BICC1: variants seen among roughly 807,000 people sequenced by gnomAD.
The protein encoded by BICC1 is BicC family RNA binding protein 1, also known as protein bicaudal C homolog 1.
A neutral mutation model predicts 111.0 loss-of-function variants in BICC1; 43 were observed. The observed-to-expected ratio is 0.39, with a 90% confidence interval of 0.30 to 0.50. The LOEUF (loss-of-function observed/expected upper bound fraction) is 0.50. Among genes scored for constraint, BICC1 ranks in the 20% least tolerant of loss-of-function variants. The pLI, the probability that BICC1 is intolerant of heterozygous loss-of-function variation, is 0.88. For synonymous variants in BICC1, 467 were observed against 434.4 expected, an observed-to-expected ratio of 1.07 and a Z score of -0.93; for missense variants, 1,091 against 1,203.2, an observed-to-expected ratio of 0.91 and a Z score of 1.38.
At chr10:58,665,381 G>C (rs1201255006) in intron 2 of BICC1, among the ~76,000 whole-genome samples, 3 of 151,994 alleles carry the variant, frequency 2.0e-5, no homozygotes, top group African/African-American at 7.3e-5. Flanking sequence ...GTCTTTTTCT[G>C]TTGACTCTCA....
intron 20 of BICC1, 78 bp downstream of exon 20, chr10:58,820,546 C>T: frequency 2.9e-6 from 3 of 1,032,284 alleles, no homozygotes; most frequent in Non-Finnish European, 4.5e-6. Context: ...GTTGTTTCTA[C>T]CCATTAACTG....
At chr10:58,554,804 T>G (rs1371753376) in intron 1 of BICC1, among the ~76,000 whole-genome samples, 20 of 151,898 alleles carry the variant, frequency 1.3e-4, no homozygotes, top group Admixed American at 1.3e-3. Flanking sequence ...ATTTTTTTTT[T>G]TTTGCCTCTC....
At chr10:58,561,648 G>A (rs1269809215) in intron 1 of BICC1, among the ~76,000 whole-genome samples, 1 of 151,798 alleles carries the variant, frequency 6.6e-6, no homozygotes, top group South Asian at 2.1e-4. Context: ...CTCTCTTATT[G>A]TTTATCTTTG....
Position 58,542,858 on chromosome 10 carries a change from A to T in BICC1, c.190+29525A>T, listed in dbSNP as rs1049856677. On this transcript the variant is annotated intron_variant, in intron 1 of 20. Transcript: ENST00000373886. ...AGGATGGCCATTATTAAAAAAAAAC[A>T]AACTGAAAAAAACAAGTGTTGGTTA... 2.0e-5 allele frequency among the ~76,000 whole-genome samples: 3 copies of T among 150,186 alleles called. No individual in the cohort carries two copies. In the East Asian group the frequency reaches 5.9e-4, roughly 29 times the overall value.
intron 2 of BICC1, among the ~76,000 whole-genome samples, chr10:58,648,071 A>G (rs1838323254): frequency 6.6e-6 from 1 of 152,150 alleles, no homozygotes; most frequent in African/African-American, 2.4e-5. Context: ...TAATTAGAAA[A>G]GATTTTCGGA....
intron 1 of BICC1, among the ~76,000 whole-genome samples, chr10:58,570,280 G>A (rs1274932421): frequency 6.6e-6 from 1 of 152,282 alleles, no homozygotes; most frequent in Non-Finnish European, 1.5e-5. Context: ...CTGATGTCAG[G>A]GTTAGAGAAA....
At position 58,525,479 on chromosome 10, in the gene BICC1, G is replaced by A. The variant is rs866041000; in HGVS notation, c.190+12146G>A. ...TCGCAAGGACAGAAAACCAAACACC[G>A]CATGTTCTCACTCATAGGTGGGAAT... On this transcript the variant is annotated intron_variant, in intron 1 of 20. Coordinates refer to ENST00000373886, the MANE Select transcript of BICC1 (RefSeq NM_001080512.3). Among the ~76,000 whole-genome samples, 35 of 129,830 alleles carry A rather than the reference G, an allele frequency of 2.7e-4. 1 individual carries two copies. Among genetic ancestry groups the A allele is most frequent in the East Asian group, 2.5e-4 (1 of 3,966 alleles). 85.2% of individuals were successfully genotyped at this position (129,830 alleles called of 152,430 possible). A position where few individuals can be genotyped will look rare whatever the true frequency, so the allele number is the denominator to read the frequency against.
intron 14 of BICC1, 145 bp from the exon 15 acceptor site, chr10:58,802,932 C>G (rs1260251048): frequency 1.3e-6 from 1 of 744,162 alleles, no homozygotes; most frequent in Non-Finnish European, 2.0e-6. Flanking sequence ...GTACCTGTGT[C>G]ATAGCATTGT....
chr10:58,629,032 A>G (rs1837714512), intron 2 of BICC1, among the ~76,000 whole-genome samples: 1 of 152,212 alleles, frequency 6.6e-6, no homozygotes, highest in South Asian at 2.1e-4. Flanking sequence ...GGGAGATTTC[A>G]CATGGTTTGG....
At chr10:58,688,037 C>T (rs1041508042) in intron 2 of BICC1, among the ~76,000 whole-genome samples, 3 of 152,160 alleles carry the variant, frequency 2.0e-5, no homozygotes, top group African/African-American at 7.2e-5. Flanking sequence ...TTGTTTGTTC[C>T]TCCCGGTGGG....
chr10:58,666,011 A>G (rs1239567759), intron 2 of BICC1, among the ~76,000 whole-genome samples: 2 of 152,212 alleles, frequency 1.3e-5, no homozygotes, highest in African/African-American at 4.8e-5. Context: ...CTGGCCAAGC[A>G]GTTGATATAT....
chr10:58,527,057 G>A (rs1441507631), intron 1 of BICC1, among the ~76,000 whole-genome samples: 3 of 152,180 alleles, frequency 2.0e-5, no homozygotes, highest in East Asian at 1.9e-4. Flanking sequence ...GTTTAAAAGT[G>A]TTCCTATTTC....
intron 8 of BICC1, among the ~76,000 whole-genome samples, chr10:58,791,850 A>G (rs1463056558): frequency 6.6e-6 from 1 of 151,996 alleles, no homozygotes; most frequent in African/African-American, 2.4e-5. Flanking sequence ...GGAGTGTAGT[A>G]GTGTGTTCTC....
At chr10:58,687,183 C>T (rs1839760564) in intron 2 of BICC1, among the ~76,000 whole-genome samples, 1 of 152,216 alleles carries the variant, frequency 6.6e-6, no homozygotes, top group African/African-American at 2.4e-5. Context: ...AGCTGCAGAA[C>T]AGCAAATATT....
chr10:58,781,800 A>G (rs1323085667), intron 3 of BICC1, among the ~76,000 whole-genome samples: 2 of 152,204 alleles, frequency 1.3e-5, no homozygotes, highest in African/African-American at 4.8e-5. Context: ...ATTAAGATCA[A>G]CCTGGAAAAA....
chr10:58,673,801 T>TTTG (rs397767614), intron 2 of BICC1, among the ~76,000 whole-genome samples: 4 of 150,650 alleles, frequency 2.7e-5, no homozygotes, highest in African/African-American at 9.8e-5. Flanking sequence ...TTTTTTTTTT[T>TTTG]GTATTTTTAG....
At chr10:58,606,768 CA>C (rs1845228644) in intron 1 of BICC1, among the ~76,000 whole-genome samples, 1 of 151,982 alleles carries the variant, frequency 6.6e-6, no homozygotes, top group African/African-American at 2.4e-5. Flanking sequence ...CTTTCAGTTA[CA>C]AATTGAATTA....
Position 58,573,263 on chromosome 10 carries a change from C to T in BICC1, c.191-47592C>T, listed in dbSNP as rs946883385. On this transcript the variant is annotated intron_variant, in intron 1 of 20. Coordinates refer to ENST00000373886, the MANE Select transcript of BICC1 (RefSeq NM_001080512.3). ...TGTAAGTGGTCAATGAATGTTTCTT[C>T]CTCTAAATACTTTTCTTACAAGAAG... Among the ~76,000 whole-genome samples the T allele has an allele frequency of 2.6e-5, 4 of 152,240 alleles. No homozygotes were observed. In the East Asian group the frequency reaches 5.8e-4, roughly 22 times the overall value.
intron 3 of BICC1, among the ~76,000 whole-genome samples, chr10:58,716,874 G>A (rs1008184902): frequency 4.6e-5 from 7 of 151,222 alleles, no homozygotes; most frequent in Admixed American, 3.9e-4. Flanking sequence ...CATACTTCAC[G>A]GGGAGGTCAG....
Sources: allele counts gnomAD v4.1 joint callset (sites outside exome capture counted in the v4.1 genomes callset), GRCh38; gene constraint gnomAD v4.1.1; transcripts MANE v1.5; gene names NCBI Gene and HGNC (gene_info 2026-07-23, HGNC 2026-07-21).